Variants in PEX14 observed in about 807,000 individuals in gnomAD.
PEX14 encodes the protein peroxisomal biogenesis factor 14, also known as peroxisomal membrane protein PEX14.
PEX14 carries 15 observed loss-of-function variants against 49.5 expected under a neutral mutation model. The observed-to-expected ratio is 0.30, with a 90% CI of 0.20 to 0.47. PEX14 has a LOEUF of 0.47. PEX14 is among the 20% of genes least tolerant of loss of function. The pLI is 1.00. For synonymous variants in PEX14, 210 were observed against 212.7 expected (o/e 0.99, Z 0.11); for missense variants, 398 against 494.8 (o/e 0.80, Z 1.86).
At chr1:10,621,706 G>T (rs188493948) in intron 5 of PEX14, among the ~76,000 whole-genome samples, 18 of 152,272 alleles carry the variant, frequency 1.2e-4, no homozygotes, top group African/African-American at 4.3e-4. Flanking sequence ...TACCTTTGAT[G>T]AGTTTTGGCT....
chr1:10,475,767 G>A (rs115217518), intron 1 of PEX14, among the ~76,000 whole-genome samples: 2,433 of 152,308 alleles, frequency 0.016, 62 homozygotes, highest in African/African-American at 0.056. Context: ...ATAGTCCAAA[G>A]GTGGGGTAGG....
At position 10,495,134 on chromosome 1, in the gene PEX14, A is replaced by G; in HGVS notation, c.37-140A>G. ...TTTTACAGGTAGTCCACTGCAAAAT[A>G]CTCTTGTGTCGTGAAAAACCAGTGA... On this transcript the variant is annotated intron_variant, in intron 1 of 8. Transcript: ENST00000356607. The surrounding 1 kb of genome is among the most constrained non-coding windows in gnomAD (Gnocchi z 4.2). 1.3e-6 allele frequency: 2 copies of G among 1,547,822 alleles called. No individual in the cohort carries two copies. Among genetic ancestry groups the G allele is most frequent in the Non-Finnish European group, 1.7e-6 (2 of 1,145,042 alleles).
intron 2 of PEX14, among the ~76,000 whole-genome samples, chr1:10,496,206 T>A (rs910973440): frequency 6.6e-6 from 1 of 152,082 alleles, no homozygotes; most frequent in African/African-American, 2.4e-5. Context: ...TGAGGGCGAG[T>A]TGGATCCAGT....
intron 4 of PEX14, among the ~76,000 whole-genome samples, chr1:10,612,539 T>C (rs1641302967): frequency 6.6e-6 from 1 of 152,244 alleles, no homozygotes; most frequent in Admixed American, 6.5e-5. Context: ...TGGTGCCTTT[T>C]GCCATCCAGG....
chr1:10,507,899 G>A (rs912312350), intron 2 of PEX14, among the ~76,000 whole-genome samples: 2 of 152,240 alleles, frequency 1.3e-5, no homozygotes, highest in African/African-American at 4.8e-5. Flanking sequence ...TAAGAGAATA[G>A]AGATGTCTTT....
chr1:10,538,437 G>A (rs972167859), intron 3 of PEX14, among the ~76,000 whole-genome samples: 6 of 152,124 alleles, frequency 3.9e-5, no homozygotes, highest in East Asian at 1.9e-4. Context: ...AGTTTATCCC[G>A]TACTTAAACC....
At chr1:10,543,963 G>T (rs575420635) in intron 3 of PEX14, among the ~76,000 whole-genome samples, 1 of 152,182 alleles carries the variant, frequency 6.6e-6, no homozygotes, top group Non-Finnish European at 1.5e-5. Context: ...AAACTGACTT[G>T]GCCTGGCAAT....
intron 1 of PEX14, 94 bp downstream of exon 1, chr1:10,475,096 C>A: frequency 7.9e-7 from 1 of 1,268,580 alleles, no homozygotes; most frequent in South Asian, 1.3e-5. Flanking sequence ...GACCCCGAGT[C>A]TCCGAAGCTG....
intron 1 of PEX14, among the ~76,000 whole-genome samples, chr1:10,492,888 T>C (rs2124397323): frequency 6.6e-6 from 1 of 152,298 alleles, no homozygotes; most frequent in Non-Finnish European, 1.5e-5. Flanking sequence ...AGATGTAAAG[T>C]TGCACATCTG....
At chr1:10,538,765 T>C (rs1191425136) in intron 3 of PEX14, among the ~76,000 whole-genome samples, 1 of 152,244 alleles carries the variant, frequency 6.6e-6, no homozygotes, top group Non-Finnish European at 1.5e-5. Context: ...ATTGGCTCGC[T>C]GGCCGTCTGG....
At chr1:10,554,069 C>T (rs556744160) in intron 3 of PEX14, among the ~76,000 whole-genome samples, 2 of 147,012 alleles carry the variant, frequency 1.4e-5, no homozygotes, top group Non-Finnish European at 3.0e-5. Flanking sequence ...GTGGGCGGAT[C>T]ATGAGGTCAG....
chr1:10,583,280 T>C (rs1640379898), intron 3 of PEX14, among the ~76,000 whole-genome samples: 1 of 151,416 alleles, frequency 6.6e-6, no homozygotes, highest in Non-Finnish European at 1.5e-5. Context: ...AGTGCAGTGG[T>C]GCAGTCATGG....
intron 3 of PEX14, among the ~76,000 whole-genome samples, chr1:10,586,554 T>C (rs977762028): frequency 2.0e-5 from 3 of 151,998 alleles, no homozygotes; most frequent in African/African-American, 7.2e-5. Flanking sequence ...ATACAACAAT[T>C]TGAATGAACT....
At chr1:10,491,154 A>T (rs943312098) in intron 1 of PEX14, among the ~76,000 whole-genome samples, 1 of 151,708 alleles carries the variant, frequency 6.6e-6, no homozygotes, top group African/African-American at 2.4e-5. Context: ...GGCGTGAGCT[A>T]CTGTGCCCGG....
rs982934143 is a variant in PEX14 at position 10,539,114 on chromosome 1, C to T, written c.169+2817C>T. ...AGCTGAGTTTGTTTCATTGTGAAAC[C>T]GCAGCTGGGAGCAGGGGCTGCATCC... On this transcript the variant is annotated intron_variant, in intron 3 of 8. Transcript: ENST00000356607. This position sits in a 1 kb window ranked among gnomAD's most constrained non-coding sequence, Gnocchi z 4.6. Among the ~76,000 whole-genome samples, 5 of 151,994 alleles carry T rather than the reference C, an allele frequency of 3.3e-5. No individual in the cohort carries two copies. The highest frequency in any genetic ancestry group is 9.7e-5 in the African/African-American group (4 of 41,376).
intron 2 of PEX14, among the ~76,000 whole-genome samples, chr1:10,496,710 C>G (rs545000188): frequency 6.6e-6 from 1 of 151,912 alleles, no homozygotes; most frequent in African/African-American, 2.4e-5. Context: ...CCTTGCTCTG[C>G]TAGTGTTTCT....
At chr1:10,553,219 C>A (rs1389421474) in intron 3 of PEX14, among the ~76,000 whole-genome samples, 1 of 152,130 alleles carries the variant, frequency 6.6e-6, no homozygotes, top group African/African-American at 2.4e-5. Context: ...GCAGAATCTC[C>A]TGGGAATTGG....
At chr1:10,504,717 T>TTTTCC (rs141752784) in intron 2 of PEX14, among the ~76,000 whole-genome samples, 11 of 151,586 alleles carry the variant, frequency 7.3e-5, no homozygotes, top group Middle Eastern at 3.2e-3. Context: ...TTCCTTTTCC[T>TTTTCC]TTTCCTTTCC....
chr1:10,514,166 G>C lies in PEX14; in HGVS notation c.84+18845G>C, dbSNP rs866873029. 0.015 allele frequency among the ~76,000 whole-genome samples: 2,202 copies of C among 150,328 alleles called. 56 individuals are homozygous for C. Among genetic ancestry groups the C allele is most frequent in the African/African-American group, 0.047 (1,915 of 40,808 alleles). The stretch of plus-strand genomic sequence containing the variant: ...AAATAATCTATGCCTCTGTGTGTGT[G>C]TGTGTGTGTGTGTGTGTGTGTGTGT... On this transcript the variant is annotated intron_variant, in intron 2 of 8. Coordinates refer to ENST00000356607, the MANE Select transcript of PEX14 (RefSeq NM_004565.3). The surrounding 1 kb of genome is among the most constrained non-coding windows in gnomAD (Gnocchi z 4.4).
Sources: gnomAD v4.1 joint callset for allele counts (sites outside exome capture counted in the v4.1 genomes callset) on GRCh38, gnomAD v4.1.1 for gene constraint, Gnocchi (gnomAD v3.1) non-coding constraint, MANE v1.5 for transcripts, NCBI Gene and HGNC (gene_info 2026-07-23, HGNC 2026-07-21) for gene names.